Variants in MECOM observed in about 807,000 individuals in gnomAD.
MECOM encodes the protein histone-lysine N-methyltransferase MECOM.
In MECOM, 13 loss-of-function variants were observed where a neutral mutation model predicts 116.3. The ratio of observed to expected loss-of-function variants is 0.11; its 90% confidence interval spans 0.07 to 0.18. The LOEUF is 0.18. Among genes scored for constraint, MECOM ranks in the 10% least tolerant of loss-of-function variants. MECOM has a pLI of 1.00. For missense variants in MECOM, 1,299 were observed against 1,509.0 expected (o/e 0.86, Z 2.31); for synonymous variants, 528 against 535.2 (o/e 0.99, Z 0.19).
At chr3:169,590,855 A>C (rs1384165743) in intron 1 of MECOM, among the ~76,000 whole-genome samples, 1 of 152,256 alleles carries the variant, frequency 6.6e-6, no homozygotes, top group African/African-American at 2.4e-5. Context: ...CTAATCTAGA[A>C]GTTACTATCT....
chr3:169,519,074 A>G (rs1757048416), intron 1 of MECOM, among the ~76,000 whole-genome samples: 1 of 152,224 alleles, frequency 6.6e-6, no homozygotes, highest in Non-Finnish European at 1.5e-5. Context: ...CAGAGTAACA[A>G]TTACTTGACT....
chr3:169,460,546 T>A (rs1412495270), intron 1 of MECOM, among the ~76,000 whole-genome samples: 2 of 152,326 alleles, frequency 1.3e-5, no homozygotes, highest in East Asian at 3.9e-4. Context: ...GGCAATTAAA[T>A]ACATTTCAAG....
In MECOM at chr3:169,094,945, T is replaced by C. The variant is rs917366180; in HGVS notation, c.3019+131A>G. ...TTCTAAAATCTCAACAGAAACTTCC[T>C]GGGAATTTTTACAATAAGACCTGAT... On this transcript the variant is annotated intron_variant, in intron 13 of 16. Coordinates refer to ENST00000651503, the MANE Select transcript of MECOM (RefSeq NM_004991.4). 47 of 745,386 alleles carry C rather than the reference T, an allele frequency of 6.3e-5. No individual in the cohort carries two copies. In the African/African-American group the frequency reaches 7.4e-4, roughly 12 times the overall value. 46.2% of individuals were successfully genotyped at this position (745,386 alleles called of 1,614,324 possible). A position where few individuals can be genotyped will look rare whatever the true frequency, so the allele number is the denominator to read the frequency against.
At position 169,611,926 on chromosome 3, in the gene MECOM, C is replaced by G. The variant is rs1264426880; in HGVS notation, c.37+51410G>C. On this transcript the variant is annotated intron_variant, in intron 1 of 16. Coordinates refer to ENST00000651503, the MANE Select transcript of MECOM (RefSeq NM_004991.4). This position sits in a 1 kb window ranked among gnomAD's most constrained non-coding sequence, Gnocchi z 4.1. ...AGAACACGGTTTCTAAATCTCAACG[C>G]TATTGACATTTTGAGCCAGATAATT... 6.6e-6 allele frequency among the ~76,000 whole-genome samples: 1 copy of G among 152,164 alleles called. No individual in the cohort carries two copies. The highest frequency in any genetic ancestry group is 1.5e-5 in the Non-Finnish European group (1 of 68,038).
rs1732376260 is a variant in MECOM, at chr3:169,381,475, C to T, written c.87G>A (p.Met29Ile). The change falls in exon 2 of 17, where the codon ATG (methionine) becomes ATA (isoleucine). Residue 29 changes from methionine (M) to isoleucine (I), a missense_variant. Met to Ile is a conservative substitution (Grantham distance 10). This residue lies in a region of MECOM where 374 missense variants were observed against 433.4 expected (regional missense o/e 0.86). Transcript: ENST00000651503. ...TGCTGGCTACTCCATCTGCATCTGGCATTTCTTCCAAAGGTATTTCAGGGT... is the reference window on the plus strand; with the variant it reads ...TGCTGGCTACTCCATCTGCATCTGGTATTTCTTCCAAAGGTATTTCAGGGT... Reference protein sequence around the residue: ...GNYPEIPLEEMPDADGVASTP... With the variant: ...GNYPEIPLEEIPDADGVASTP... 3 of 1,613,164 alleles carry T rather than the reference C, an allele frequency of 1.9e-6. No homozygotes were observed. The highest frequency in any genetic ancestry group is 2.5e-6 in the Non-Finnish European group (3 of 1,179,534).
At chr3:169,588,936 C>A (rs1766078193) in intron 1 of MECOM, among the ~76,000 whole-genome samples, 1 of 151,972 alleles carries the variant, frequency 6.6e-6, no homozygotes, top group Non-Finnish European at 1.5e-5. Flanking sequence ...ATTTGGAAAT[C>A]TTTTAGGTAA....
rs116194434 is a variant in MECOM, at chr3:169,285,126, T to A, written c.375+96061A>T. ...ACTTCTTCTTACCGAGTATTGGACTTTGAATTCCTCTCTACCTAACTCCCC... is the reference window on the plus strand; with the variant it reads ...ACTTCTTCTTACCGAGTATTGGACTATGAATTCCTCTCTACCTAACTCCCC... On this transcript the variant is annotated intron_variant, in intron 2 of 16. Coordinates refer to ENST00000651503, the MANE Select transcript of MECOM (RefSeq NM_004991.4). Among the ~76,000 whole-genome samples the A allele has an allele frequency of 6.3e-3, 962 of 152,284 alleles. 9 individuals are homozygous for A. The highest frequency in any genetic ancestry group is 0.022 in the African/African-American group (924 of 41,568).
At chr3:169,507,157 G>A (rs574224367) in intron 1 of MECOM, among the ~76,000 whole-genome samples, 11 of 152,192 alleles carry the variant, frequency 7.2e-5, no homozygotes, top group African/African-American at 2.7e-4. Context: ...TAGTCTTCCT[G>A]TACAAAATGG....
chr3:169,553,288 A>T (rs2109318037), intron 1 of MECOM, among the ~76,000 whole-genome samples: 1 of 152,332 alleles, frequency 6.6e-6, no homozygotes, highest in East Asian at 1.9e-4. Flanking sequence ...TCATTTTAGA[A>T]GGGGATAATA....
intron 1 of MECOM, among the ~76,000 whole-genome samples, chr3:169,586,645 T>G (rs781779582): frequency 6.6e-6 from 1 of 152,222 alleles, no homozygotes; most frequent in Non-Finnish European, 1.5e-5. Context: ...AAGAAAGCAT[T>G]TGCCTTTGTA....
At chr3:169,499,346 CAAAAAAA>C (rs60302997) in intron 1 of MECOM, among the ~76,000 whole-genome samples, 18 of 51,566 alleles carry the variant, frequency 3.5e-4, no homozygotes, top group African/African-American at 1.2e-3. Flanking sequence ...AGATTACCCA[CAAAAAAA>C]AAAAAAAAAA....
In MECOM at chr3:169,483,185, GTTTTAT is replaced by G. The variant is rs879198084; in HGVS notation, c.38-101667_38-101662del. On this transcript the variant is annotated intron_variant, in intron 1 of 16. Coordinates refer to ENST00000651503, the MANE Select transcript of MECOM (RefSeq NM_004991.4). ...TAAATACATGGAGTGAAAAACCATT[GTTTTAT>G]TTTTATTTTTATTTTTTTTTTTTTT... Among the ~76,000 whole-genome samples, 428 of 141,794 alleles carry G rather than the reference GTTTTAT, an allele frequency of 3.0e-3. 1 individual carries two copies. The highest frequency in any genetic ancestry group is 5.7e-3 in the South Asian group (26 of 4,576). 93.0% of individuals were successfully genotyped at this position (141,794 alleles called of 152,430 possible). A position where few individuals can be genotyped will look rare whatever the true frequency, so the allele number is the denominator to read the frequency against.
At position 169,131,687 on chromosome 3, in the gene MECOM, T is replaced by C. The variant is rs1734772286; in HGVS notation, c.511-156A>G. On this transcript the variant is annotated intron_variant, in intron 3 of 16. Transcript: ENST00000651503. ...TCAAAAGAAGTGTGATTTCCTGTTTTATATATTGAAAACCAGCCCTCTGGT... is the reference window on the plus strand; with the variant it reads ...TCAAAAGAAGTGTGATTTCCTGTTTCATATATTGAAAACCAGCCCTCTGGT... The C allele has an allele frequency of 1.7e-5, 12 of 700,856 alleles. No homozygotes were observed. In the East Asian group the frequency reaches 2.8e-4, roughly 17 times the overall value. The allele number at this position is 700,856 out of a possible 1,614,324, so 43.4% of individuals were successfully genotyped here.
chr3:169,239,822 G>T (rs1395006884), intron 2 of MECOM, among the ~76,000 whole-genome samples: 1 of 152,040 alleles, frequency 6.6e-6, no homozygotes, highest in Non-Finnish European at 1.5e-5. Context: ...AAACTTTGAG[G>T]CGAAATAGGA....
chr3:169,542,153 C>T (rs1205207860), intron 1 of MECOM, among the ~76,000 whole-genome samples: 1 of 152,112 alleles, frequency 6.6e-6, no homozygotes, highest in Non-Finnish European at 1.5e-5. Context: ...ACCTAAAACG[C>T]ATTGAAAGTT....
intron 2 of MECOM, among the ~76,000 whole-genome samples, chr3:169,317,722 T>C (rs1720022278): frequency 6.6e-6 from 1 of 152,118 alleles, no homozygotes; most frequent in South Asian, 2.1e-4. Flanking sequence ...ACCTACACAA[T>C]TTAAAAATAT....
At chr3:169,385,735 T>A (rs1291566021) in intron 1 of MECOM, among the ~76,000 whole-genome samples, 1 of 152,224 alleles carries the variant, frequency 6.6e-6, no homozygotes, top group African/African-American at 2.4e-5. Context: ...AATTATCATA[T>A]CCCCATTAAA....
intron 14 of MECOM, 96 bp downstream of exon 14, chr3:169,092,862 G>T: frequency 1.4e-6 from 2 of 1,427,430 alleles, no homozygotes; most frequent in Non-Finnish European, 2.0e-6. Flanking sequence ...GGTGACTGAA[G>T]TAATAGTAGT....
rs534660819 is a variant in MECOM at position 169,189,025 on chromosome 3, T to C, written c.376-45193A>G. On this transcript the variant is annotated intron_variant, in intron 2 of 16. Coordinates refer to ENST00000651503, the MANE Select transcript of MECOM (RefSeq NM_004991.4). ...AATGTATTAGCCCCAAATTGTTTGG[T>C]AATAAATCATCATCAAAGAAATATG... 7.2e-4 allele frequency among the ~76,000 whole-genome samples: 110 copies of C among 152,074 alleles called. 1 individual carries two copies. The highest frequency in any genetic ancestry group is 1.3e-3 in the Non-Finnish European group (86 of 67,976).
Sources: gnomAD v4.1 joint callset for allele counts (sites outside exome capture counted in the v4.1 genomes callset) on GRCh38, gnomAD v4.1.1 for gene constraint, gnomAD v4.1.1 regional missense constraint, Gnocchi (gnomAD v3.1) non-coding constraint, MANE v1.5 for transcripts, NCBI Gene and HGNC (gene_info 2026-07-23, HGNC 2026-07-21) for gene names.